The following CCNJL variants were observed in gnomAD, a reference collection of about 807,000 sequenced individuals.
CCNJL encodes cyclin J like.
A neutral mutation model predicts 33.4 loss-of-function variants in CCNJL; 33 were observed. The ratio of observed to expected loss-of-function variants is 0.99; its 90% CI spans 0.75 to 1.32. The LOEUF is 1.32. Ranked by LOEUF, CCNJL falls within the 40% of genes most tolerant of loss-of-function variation. The pLI, the probability that CCNJL is intolerant of heterozygous loss-of-function variation, is 0.00. For missense variants in CCNJL, 512 were observed against 499.7 expected (o/e 1.02, Z -0.23); for synonymous variants, 227 against 220.9 (o/e 1.03, Z -0.24).
chr5:160,329,850 T>A (rs950270564), intron 1 of CCNJL, among the ~76,000 whole-genome samples: 2 of 152,152 alleles, frequency 1.3e-5, no homozygotes, highest in Non-Finnish European at 1.5e-5. Flanking sequence ...GAAACTCAAT[T>A]TGTTGACATT....
intron 2 of CCNJL, among the ~76,000 whole-genome samples, chr5:160,304,206 C>G (rs1380421197): frequency 1.3e-5 from 2 of 152,202 alleles, no homozygotes; most frequent in Non-Finnish European, 2.9e-5. Context: ...ATTCTAAGAC[C>G]TAAAAGACTC....
rs755233695 is a variant in CCNJL at position 160,259,757 on chromosome 5, G to A, written c.295C>T (p.Arg99Trp). ...CLLLASKFEDREDHVPKLEQI... is the reference protein window; with the variant it reads ...CLLLASKFEDWEDHVPKLEQI... ...TCCAACTTGGGGACGTGGTCTTCCC[G>A]ATCCTCGAACTTACCTGTCGGGGAG... The change falls in exon 4 of 6, where the codon CGG becomes TGG. Residue 99 changes from arginine (R) to tryptophan (W), a missense_variant. Arg to Trp is a moderately radical substitution (Grantham distance 101, BLOSUM62 -3). Coordinates refer to ENST00000257536, the MANE Select transcript of CCNJL (RefSeq NM_001308173.3). The A allele has an allele frequency of 9.9e-6, 16 of 1,608,366 alleles. No homozygotes were observed. Among genetic ancestry groups the A allele is most frequent in the Admixed American group, 5.0e-5 (3 of 59,822 alleles).
In CCNJL at chr5:160,251,366, A is replaced by G. The variant is rs1760796897; in HGVS notation, c.*2012T>C. 6.6e-6 allele frequency: 1 copy of G among 152,206 alleles called. No individual in the cohort carries two copies. The highest frequency in any genetic ancestry group is 2.4e-5 in the African/African-American group (1 of 41,440). 9.4% of individuals were successfully genotyped at this position (152,206 alleles called of 1,614,324 possible). A position where few individuals can be genotyped will look rare whatever the true frequency, so the allele number is the denominator to read the frequency against. On this transcript the variant is annotated 3_prime_UTR_variant, in exon 6 of 6. Transcript: ENST00000257536. The stretch of plus-strand genomic sequence containing the variant: ...TTTAGACCACAGCCTCTGCAATCAC[A>G]TGAGCCAATTCCTTAAAATAAATCT...
chr5:160,255,445 A>G (rs1580940537), intron 5 of CCNJL, 104 bp downstream of exon 5: 2 of 1,046,782 alleles, frequency 1.9e-6, no homozygotes, highest in East Asian at 2.4e-5. Context: ...TGGAAGAACC[A>G]CCACAAGTTC....
At chr5:160,265,879 A>T (rs2113276801) in intron 3 of CCNJL, among the ~76,000 whole-genome samples, 1 of 152,136 alleles carries the variant, frequency 6.6e-6, no homozygotes, top group East Asian at 1.9e-4. Context: ...AAAAAAAAGA[A>T]AAAAGAAATG....
upstream of CCNJL, chr5:160,312,576 G>C (rs1198007300): frequency 2.0e-5 from 3 of 151,592 alleles, no homozygotes; most frequent in Admixed American, 6.6e-5. Context: ...GCCGCCGGGG[G>C]CCTCCCTCCC....
chr5:160,302,808 T>A (rs1338093961), intron 2 of CCNJL, among the ~76,000 whole-genome samples: 1 of 142,092 alleles, frequency 7.0e-6, no homozygotes, highest in African/African-American at 2.5e-5. Context: ...TGAGACTCTG[T>A]CTCAATAAAA....
chr5:160,310,548 G>A (rs938802433), intron 2 of CCNJL, among the ~76,000 whole-genome samples: 2 of 152,160 alleles, frequency 1.3e-5, no homozygotes, highest in South Asian at 2.1e-4. Flanking sequence ...AACCTGTGTG[G>A]GGGCTCAGGT....
At chr5:160,311,837 C>T (rs1763269178) in intron 2 of CCNJL, 21 bp downstream of exon 2, 1 of 1,609,748 alleles carries the variant, frequency 6.2e-7, no homozygotes, top group African/African-American at 1.3e-5. Flanking sequence ...TTGAGAGTGA[C>T]AAGGGCAGGG....
At chr5:160,319,399 G>A (rs1763414058) in intron 1 of CCNJL, among the ~76,000 whole-genome samples, 1 of 152,122 alleles carries the variant, frequency 6.6e-6, no homozygotes, top group Admixed American at 6.5e-5. Flanking sequence ...ATCATTTGCG[G>A]CATGCTTAGC....
intron 3 of CCNJL, among the ~76,000 whole-genome samples, chr5:160,264,460 T>C (rs1422543012): frequency 6.6e-6 from 1 of 151,970 alleles, no homozygotes. Flanking sequence ...AGGATGACCA[T>C]GCATCCATCC....
At chr5:160,275,382 G>A (rs755103412) in intron 3 of CCNJL, among the ~76,000 whole-genome samples, 7 of 152,080 alleles carry the variant, frequency 4.6e-5, no homozygotes, top group Non-Finnish European at 7.4e-5. Flanking sequence ...CACCGTGCCC[G>A]GCTGAGGTCT....
chr5:160,259,534 C>A lies in CCNJL; in HGVS notation c.518G>T (p.Cys173Phe). 1 of 1,614,134 alleles carries A rather than the reference C, an allele frequency of 6.2e-7. No homozygotes were observed. Among genetic ancestry groups the A allele is most frequent in the Non-Finnish European group, 8.5e-7 (1 of 1,180,016 alleles). The change falls in exon 4 of 6, where the codon TGC becomes TTC. Residue 173 changes from cysteine (C) to phenylalanine (F), a missense_variant. Transcript: ENST00000257536. ...DHHCHTWPTT[C>F]PRKTKECLKE... The stretch of plus-strand genomic sequence containing the variant: ...GAGGCACTCTTTGGTCTTGCGGGGG[C>A]AGGTGGTGGGCCAGGTGTGGCAGTG...
chr5:160,339,426 T>C (rs564223405), intron 1 of CCNJL: 27 of 426,478 alleles, frequency 6.3e-5, no homozygotes, highest in African/African-American at 5.3e-4. Flanking sequence ...TCAATTTAAA[T>C]ACATTAAGAT....
chr5:160,316,515 A>C (rs1179204174), upstream of CCNJL, among the ~76,000 whole-genome samples: 1 of 152,174 alleles, frequency 6.6e-6, no homozygotes, highest in Non-Finnish European at 1.5e-5. Context: ...GTTTGCACTG[A>C]ACTTTCCTTT....
upstream of CCNJL, among the ~76,000 whole-genome samples, chr5:160,317,230 G>A (rs550447883): frequency 8.9e-4 from 135 of 152,204 alleles, 4 homozygotes; most frequent in South Asian, 0.027. Flanking sequence ...GATATGAGTC[G>A]GCAGATTAGG....
At position 160,312,059 on chromosome 5, in the gene CCNJL, G is replaced by A; in HGVS notation, c.-49-87C>T. The A allele has an allele frequency of 3.7e-6, 3 of 816,136 alleles. No individual in the cohort carries two copies. In the South Asian group the frequency reaches 4.8e-5, roughly 13 times the overall value. The allele number at this position is 816,136 out of a possible 1,614,324, so 50.6% of individuals were successfully genotyped here. ...CCTATCCTCTCTCGCCCCTGGCCCCGGGCCCCGGCGGGCGCCCCCTCCTGC... is the reference window on the plus strand; with the variant it reads ...CCTATCCTCTCTCGCCCCTGGCCCCAGGCCCCGGCGGGCGCCCCCTCCTGC... On this transcript the variant is annotated intron_variant, in intron 1 of 5. Transcript: ENST00000257536.
At chr5:160,336,638 T>C (rs1281667906) in intron 1 of CCNJL, among the ~76,000 whole-genome samples, 1 of 152,176 alleles carries the variant, frequency 6.6e-6, no homozygotes, top group African/African-American at 2.4e-5. Context: ...TACACAGATG[T>C]TTTATAGACA....
chr5:160,282,982 T>TATATATATATATATACATATATATATAC (rs1762275238), intron 2 of CCNJL, among the ~76,000 whole-genome samples: 1 of 69,588 alleles, frequency 1.4e-5, no homozygotes. Context: ...TATATATATA[T>TATATATATATATATACATATATATATAC]ATATATATAT....
Sources: allele counts gnomAD v4.1 joint callset (sites outside exome capture counted in the v4.1 genomes callset), GRCh38; gene constraint gnomAD v4.1.1; transcripts MANE v1.5; gene names NCBI Gene and HGNC (gene_info 2026-07-23, HGNC 2026-07-21).